TLK1: variants seen among roughly 807,000 people sequenced by gnomAD.
The protein encoded by TLK1 is serine/threonine-protein kinase tousled-like 1.
TLK1 carries 24 observed loss-of-function variants against 105.3 expected under a neutral mutation model. That is an observed-to-expected ratio of 0.23 (90% CI 0.17 to 0.32). TLK1 has a LOEUF of 0.32. Ranked by LOEUF, TLK1 falls within the 10% of genes least tolerant of loss-of-function variation. TLK1 has a pLI of 1.00. For missense variants in TLK1, 558 were observed against 910.5 expected (o/e 0.61, Z 4.98); for synonymous variants, 321 against 310.4 (o/e 1.03, Z -0.36).
Position 171,122,642 on chromosome 2 carries a change from ATT to A in TLK1, c.140-4787_140-4786del, listed in dbSNP as rs757550848. Among the ~76,000 whole-genome samples, 496 of 144,424 alleles carry A rather than the reference ATT, an allele frequency of 3.4e-3. 5 individuals carry two copies. The highest frequency in any genetic ancestry group is 0.011 in the Middle Eastern group (3 of 278). 94.7% of individuals were successfully genotyped at this position (144,424 alleles called of 152,430 possible). On this transcript the variant is annotated intron_variant, in intron 1 of 20. Transcript: ENST00000431350. ...ATACTTACATAACAAGACAGAAACA[ATT>A]TTTTTTTTTTTTTGGAGACACTCTG...
chr2:171,086,083 G>GA (rs373969227), intron 2 of TLK1, among the ~76,000 whole-genome samples: 10 of 151,980 alleles, frequency 6.6e-5, no homozygotes, highest in African/African-American at 2.4e-4. Context: ...AGATGCATAT[G>GA]AAAAAAACCT....
chr2:171,046,150 GA>G (rs1558905538), intron 11 of TLK1, 23 bp downstream of exon 11: 1 of 1,493,864 alleles, frequency 6.7e-7, no homozygotes, highest in South Asian at 1.4e-5. Flanking sequence ...TTTTAAAAAA[GA>G]AAAATTTTAA....
At chr2:171,109,881 G>T (rs1168708894) in intron 2 of TLK1, among the ~76,000 whole-genome samples, 1 of 152,124 alleles carries the variant, frequency 6.6e-6, no homozygotes, top group African/African-American at 2.4e-5. Context: ...AGATACAAAA[G>T]AATATACTGC....
At chr2:171,151,445 G>A (rs1692031232) in intron 1 of TLK1, among the ~76,000 whole-genome samples, 1 of 149,836 alleles carries the variant, frequency 6.7e-6, no homozygotes. Flanking sequence ...CGGGAATAGT[G>A]TCCAGCATTA....
chr2:171,106,728 G>C lies in TLK1; in HGVS notation c.258+11011C>G, dbSNP rs955484109. ...CTTGATGCTACTATCATTAAAATTT[G>C]CCTACCTATTAATACTGCATCTCAC... On this transcript the variant is annotated intron_variant, in intron 2 of 20. Transcript: ENST00000431350. 7.2e-5 allele frequency among the ~76,000 whole-genome samples: 11 copies of C among 152,074 alleles called. No homozygotes were observed. In the East Asian group the frequency reaches 7.7e-4, roughly 11 times the overall value.
At chr2:171,023,487 A>C (rs901103247) in intron 12 of TLK1, among the ~76,000 whole-genome samples, 4 of 152,108 alleles carry the variant, frequency 2.6e-5, no homozygotes, top group African/African-American at 9.7e-5. Context: ...TTAATACTCC[A>C]TACTGAGATG....
intron 1 of TLK1, among the ~76,000 whole-genome samples, chr2:171,206,780 C>T (rs1354912389): frequency 6.6e-6 from 1 of 152,108 alleles, no homozygotes; most frequent in Admixed American, 6.6e-5. Flanking sequence ...CTACAGATGG[C>T]AAATAAGCAT....
At chr2:171,163,900 T>G (rs532399923), upstream of TLK1, among the ~76,000 whole-genome samples, 1 of 152,110 alleles carries the variant, frequency 6.6e-6, no homozygotes, top group Non-Finnish European at 1.5e-5. Context: ...TAATTTTTTG[T>G]ATTTTAGTAG....
chr2:171,066,725 C>G (rs531186918), intron 3 of TLK1: 1 of 1,002,838 alleles, frequency 1.0e-6, no homozygotes. Flanking sequence ...TTATCACTTA[C>G]GTAGTCTATT....
At chr2:171,061,469 G>A (rs184520846) in intron 3 of TLK1, among the ~76,000 whole-genome samples, 34 of 152,184 alleles carry the variant, frequency 2.2e-4, no homozygotes, top group Non-Finnish European at 4.6e-4. Flanking sequence ...ACTGGATGAG[G>A]GGGAAAAAAA....
chr2:171,134,725 C>CT (rs572825171), intron 1 of TLK1, among the ~76,000 whole-genome samples: 2,467 of 103,706 alleles, frequency 0.024, 45 homozygotes, highest in East Asian at 0.049. Context: ...ACTATTTGGC[C>CT]TTTTTTTTTT....
chr2:171,018,792 CAA>C (rs751684549), intron 12 of TLK1, among the ~76,000 whole-genome samples: 3 of 152,134 alleles, frequency 2.0e-5, no homozygotes, highest in Middle Eastern at 3.4e-3. Context: ...CTAAAAGAAA[CAA>C]AGAGACAAAC....
chr2:171,031,104 GT>G (rs2105397787), intron 11 of TLK1, among the ~76,000 whole-genome samples: 1 of 151,648 alleles, frequency 6.6e-6, no homozygotes, highest in African/African-American at 2.4e-5. Flanking sequence ...ACAAATCTCA[GT>G]AAGAGTTCCT....
chr2:171,042,145 T>C (rs1480326950), intron 11 of TLK1, among the ~76,000 whole-genome samples: 1 of 152,230 alleles, frequency 6.6e-6, no homozygotes, highest in Admixed American at 6.5e-5. Flanking sequence ...AGACTATAAT[T>C]AAAGCTGTTA....
intron 1 of TLK1, among the ~76,000 whole-genome samples, chr2:171,146,220 A>T (rs1558967236): frequency 6.6e-6 from 1 of 152,174 alleles, no homozygotes; most frequent in Non-Finnish European, 1.5e-5. Flanking sequence ...GCTATTTAGG[A>T]GGCAGAGGTG....
chr2:171,145,676 T>A (rs1278898158), intron 1 of TLK1, among the ~76,000 whole-genome samples: 1 of 151,966 alleles, frequency 6.6e-6, no homozygotes, highest in Non-Finnish European at 1.5e-5. Flanking sequence ...TTTTGTCAAG[T>A]GGAAACAATC....
intron 1 of TLK1, among the ~76,000 whole-genome samples, chr2:171,186,006 T>G (rs1310595769): frequency 6.6e-6 from 1 of 152,218 alleles, no homozygotes; most frequent in Admixed American, 6.5e-5. Context: ...TGCTTTTAAC[T>G]AAAAATAATA....
chr2:171,218,405 C>A (rs914005344), intron 1 of TLK1, among the ~76,000 whole-genome samples: 6 of 152,166 alleles, frequency 3.9e-5, no homozygotes, highest in South Asian at 2.1e-4. Context: ...TATAAAGTTT[C>A]AGTTTTGCCA....
At chr2:171,131,104 T>A (rs528568539) in intron 1 of TLK1, among the ~76,000 whole-genome samples, 36 of 133,244 alleles carry the variant, frequency 2.7e-4, no homozygotes, top group Non-Finnish European at 4.9e-4. Flanking sequence ...GAGATCTATA[T>A]ATCTATATAT....
Sources: allele counts gnomAD v4.1 joint callset (sites outside exome capture counted in the v4.1 genomes callset), GRCh38; gene constraint gnomAD v4.1.1; transcripts MANE v1.5; gene names NCBI Gene and HGNC (gene_info 2026-07-23, HGNC 2026-07-21).